Variants in WDR62 observed in about 807,000 individuals in gnomAD.
The protein encoded by WDR62 is WD repeat domain 62, also known as WD repeat-containing protein 62.
In WDR62, 112 loss-of-function variants were observed where a neutral mutation model predicts 160.6. That is an observed-to-expected ratio of 0.70 (90% CI 0.60 to 0.82). The LOEUF (loss-of-function observed/expected upper bound fraction) is 0.82, where lower values mean the gene tolerates loss of function less well. Among genes scored for constraint, WDR62 ranks in the 40% least tolerant of loss-of-function variants. The probability of loss-of-function intolerance (pLI) is 0.00; values close to 1 mark genes in which losing one functional copy is unlikely to be tolerated. For synonymous variants in WDR62, 792 were observed against 815.1 expected, an observed-to-expected ratio of 0.97 and a Z score of 0.48; for missense variants, 1,819 against 1,983.8, an observed-to-expected ratio of 0.92 and a Z score of 1.58.
rs779982419 is a variant in WDR62 at position 36,083,235 on chromosome 19, A to T, written c.1544A>T (p.Asn515Ile). The T allele has an allele frequency of 3.1e-6, 5 of 1,597,606 alleles. No individual in the cohort carries two copies. The South Asian group carries it at 5.6e-5, about 18-fold the overall frequency. Residue 515 changes from asparagine (N) to isoleucine (I), a missense_variant, in exon 11 of 32, where the codon AAT becomes ATT. Physicochemically the swap from Asn to Ile is moderately radical, Grantham distance 149 (BLOSUM62 -3). Transcript: ENST00000401500. ...QHLASGDRSG[N>I]LRIHELHFMD... ...TTGGCTTCAGGCGACCGAAGTGGAA[A>T]TCTGAGGCAAGTGGGCCCTGGCAGT...
chr19:36,099,707 G>A lies in WDR62; in HGVS notation c.2739+90G>A, dbSNP rs1005675813. The A allele has an allele frequency of 3.9e-6, 5 of 1,293,404 alleles. No individual in the cohort carries two copies. The African/African-American group carries it at 4.4e-5, about 11-fold the overall frequency. The allele number at this position is 1,293,404 out of a possible 1,614,324, so 80.1% of individuals were successfully genotyped here. The stretch of plus-strand genomic sequence containing the variant: ...CTTAGGCTGACTCCCACTCCATGGG[G>A]GCAGGGAGGATTACATGAGATGGTG... On this transcript the variant is annotated intron_variant, in intron 22 of 31. Coordinates refer to ENST00000401500, the MANE Select transcript of WDR62 (RefSeq NM_001083961.2).
intron 9 of WDR62, among the ~76,000 whole-genome samples, chr19:36,074,560 A>AG (rs1214191327): frequency 6.6e-6 from 1 of 152,072 alleles, no homozygotes; most frequent in Non-Finnish European, 1.5e-5. Flanking sequence ...GGGCTGCGGC[A>AG]GGGGGGCTGA....
In WDR62 at chr19:36,102,988, G is replaced by A; in HGVS notation, c.3376G>A (p.Val1126Met). The A allele has an allele frequency of 2.5e-6, 4 of 1,614,156 alleles. No homozygotes were observed. Among genetic ancestry groups the A allele is most frequent in the Non-Finnish European group, 1.7e-6 (2 of 1,180,036 alleles). The change falls in exon 28 of 32, where the codon GTG (valine) becomes ATG (methionine). Residue 1126 changes from valine to methionine, a missense_variant. This residue lies in a region of WDR62 where 770 missense variants were observed against 734.2 expected (regional missense o/e 1.05). Transcript: ENST00000401500. ...CCCTCCCCGGGCAACCCAGTGCCTT[G>A]TGAAGTCTCCAGAGGTCAAGCTCAT... is the stretch of plus-strand genomic sequence containing the variant. Reference protein sequence around the residue: ...TFPPRATQCLVKSPEVKLMDR... With the variant: ...TFPPRATQCLMKSPEVKLMDR...
chr19:36,102,879 C>T (rs761550389), intron 27 of WDR62, 28 bp downstream of exon 27: 15 of 1,614,036 alleles, frequency 9.3e-6, no homozygotes, highest in African/African-American at 2.7e-5. Flanking sequence ...ACTGCCCACC[C>T]TCTGGCTCCT....
chr19:36,103,878 TCCTGAGTCCCCTG>T lies in WDR62; in HGVS notation c.4051_4063del (p.Pro1351AlafsTer60), dbSNP rs1167066971. ...CTGCCTTTCGCCCAAGTCTCCCAGC[TCCTGAGTCCCCTG>T]GCCTTCCTGCCCACCCCAGTAACCC... On this transcript the variant is annotated frameshift_variant, in exon 30 of 32. Transcript: ENST00000401500. LOFTEE classifies it high-confidence loss of function. 3.7e-6 allele frequency: 6 copies of T among 1,601,146 alleles called. No individual in the cohort carries two copies. The highest frequency in any genetic ancestry group is 5.1e-6 in the Non-Finnish European group (6 of 1,179,878).
At chr19:36,088,370 C>G (rs1972382950) in intron 13 of WDR62, among the ~76,000 whole-genome samples, 2 of 152,226 alleles carry the variant, frequency 1.3e-5, no homozygotes, top group African/African-American at 4.8e-5. Context: ...GTGGCAGTCC[C>G]TGTTCCAAGG....
chr19:36,073,535 AG>A lies in WDR62; in HGVS notation c.1233+5del. 7.0e-7 allele frequency: 1 copy of A among 1,433,118 alleles called. No homozygotes were observed. Among genetic ancestry groups the A allele is most frequent in the Non-Finnish European group, 9.7e-7 (1 of 1,026,828 alleles). 88.8% of individuals were successfully genotyped at this position (1,433,118 alleles called of 1,614,324 possible). On this transcript the variant is annotated splice_donor_5th_base_variant and intron_variant, in intron 9 of 31. Coordinates refer to ENST00000401500, the MANE Select transcript of WDR62 (RefSeq NM_001083961.2). Reference sequence around the variant, plus strand: ...CTCCTACGTTTGGAACGTGGAGGTGAGCCCCCCCCCCACCCCCTTGCCCCTG... The same window carrying A: ...CTCCTACGTTTGGAACGTGGAGGTGACCCCCCCCCCACCCCCTTGCCCCTG...
intron 9 of WDR62, 39 bp downstream of exon 9, chr19:36,073,570 C>CT: frequency 1.4e-6 from 2 of 1,434,754 alleles, no homozygotes; most frequent in South Asian, 2.4e-5. Context: ...TGCTTGGCCT[C>CT]TGCACAGTTC....
intron 23 of WDR62, 24 bp from the exon 24 acceptor site, chr19:36,101,190 T>A: frequency 6.3e-7 from 1 of 1,597,770 alleles, no homozygotes; most frequent in Non-Finnish European, 8.5e-7. Context: ...CCTTGTTCCC[T>A]CTCTGCCCCC....
In WDR62 at chr19:36,091,259, A is replaced by G; in HGVS notation, c.2094A>G (p.Ser698=). ...LATSCSDKSI[S]VIDFYSGECI... ...CCAGCTGCTCTGACAAAAGCATCTC[A>G]GTGATTGACTTTTACTCGGGCGAGT... Residue 698 remains serine (S), a synonymous_variant, in exon 17 of 32, where the codon TCA becomes TCG. Transcript: ENST00000401500. 1 of 1,613,472 alleles carries G rather than the reference A, an allele frequency of 6.2e-7. No individual in the cohort carries two copies. The highest frequency in any genetic ancestry group is 8.5e-7 in the Non-Finnish European group (1 of 1,179,886).
chr19:36,099,278 GAAGTTGTTTCTGA>G lies in WDR62; in HGVS notation c.2521-119_2521-107del, dbSNP rs1481244867. The G allele has an allele frequency of 9.4e-6, 7 of 742,616 alleles. No homozygotes were observed. The African/African-American group carries it at 1.2e-4, about 13-fold the overall frequency. 46.0% of individuals were successfully genotyped at this position (742,616 alleles called of 1,614,324 possible). A position where few individuals can be genotyped will look rare whatever the true frequency, so the allele number is the denominator to read the frequency against. On this transcript the variant is annotated intron_variant, in intron 21 of 31. Transcript: ENST00000401500. ...GGTTCACGCTGGAGATATGTACCTG[GAAGTTGTTTCTGA>G]ATGGTATTGAAAGCCAAGAGTCCAG...
chr19:36,099,059 T>TA (rs1288646500), intron 21 of WDR62, among the ~76,000 whole-genome samples: 1 of 151,834 alleles, frequency 6.6e-6, no homozygotes, highest in Non-Finnish European at 1.5e-5. Flanking sequence ...CCATCTCTAC[T>TA]AAAAATACAA....
intron 2 of WDR62, 107 bp from the exon 3 acceptor site, chr19:36,059,861 A>T: frequency 8.4e-7 from 1 of 1,185,334 alleles, no homozygotes; most frequent in Non-Finnish European, 1.3e-6. Flanking sequence ...GAGACCAGAG[A>T]GAACCGAGGG....
At chr19:36,094,308 C>T (rs1299777740) in intron 20 of WDR62, 144 bp downstream of exon 20, 11 of 1,051,750 alleles carry the variant, frequency 1.0e-5, no homozygotes, top group Admixed American at 2.1e-5. Flanking sequence ...AATCCCAGCA[C>T]TTTGGGAGGC....
At chr19:36,055,225 C>T in intron 1 of WDR62, 77 bp downstream of exon 1, 2 of 1,498,612 alleles carry the variant, frequency 1.3e-6, no homozygotes, top group Non-Finnish European at 1.8e-6. Flanking sequence ...AGAACTGTGG[C>T]CCCGACATCA....
rs556488785 is a variant in WDR62 at position 36,073,540 on chromosome 19, C to T, written c.1233+9C>T. On this transcript the variant is annotated intron_variant, in intron 9 of 31. Transcript: ENST00000401500. Reference sequence around the variant, plus strand: ...ACGTTTGGAACGTGGAGGTGAGCCCCCCCCCCACCCCCTTGCCCCTGCTTG... The same window carrying T: ...ACGTTTGGAACGTGGAGGTGAGCCCTCCCCCCACCCCCTTGCCCCTGCTTG... 34 of 1,183,532 alleles carry T rather than the reference C, an allele frequency of 2.9e-5. No individual in the cohort carries two copies. In the East Asian group the frequency reaches 8.7e-4, roughly 30 times the overall value. 73.3% of individuals were successfully genotyped at this position (1,183,532 alleles called of 1,614,324 possible). A position where few individuals can be genotyped will look rare whatever the true frequency, so the allele number is the denominator to read the frequency against.
At position 36,104,901 on chromosome 19, in the gene WDR62, T is replaced by C; in HGVS notation, c.4445T>C (p.Leu1482Pro). Residue 1482 changes from leucine to proline, a missense_variant, in exon 32 of 32, where the codon CTG (leucine) becomes CCG (proline). Around this residue, in one of 3 missense-constraint regions of WDR62, gnomAD observed 770 missense variants for 734.2 expected, o/e 1.05. Coordinates refer to ENST00000401500, the MANE Select transcript of WDR62 (RefSeq NM_001083961.2). ...VGTSVAPAQA[L>P]PSPGPPSPPT... ...ACTAGTGTGGCCCCAGCCCAGGCTC[T>C]GCCCAGCCCAGGACCCCCGTCCCCA... The C allele has an allele frequency of 6.2e-7, 1 of 1,611,336 alleles. No homozygotes were observed. Among genetic ancestry groups the C allele is most frequent in the Non-Finnish European group, 8.5e-7 (1 of 1,179,748 alleles).
intron 7 of WDR62, among the ~76,000 whole-genome samples, chr19:36,068,885 G>A (rs1045160553): frequency 5.9e-5 from 9 of 152,170 alleles, no homozygotes; most frequent in African/African-American, 1.2e-4. Flanking sequence ...CCTCCCAGAC[G>A]GGGTGGTGGC....
chr19:36,099,955 A>C (rs1973226151), intron 22 of WDR62, among the ~76,000 whole-genome samples: 2 of 152,156 alleles, frequency 1.3e-5, no homozygotes, highest in South Asian at 4.1e-4. Context: ...TCTTCTAAAA[A>C]GTAGTCATAA....
Sources: gnomAD v4.1 joint callset for allele counts (sites outside exome capture counted in the v4.1 genomes callset) on GRCh38, gnomAD v4.1.1 for gene constraint, gnomAD v4.1.1 regional missense constraint, MANE v1.5 for transcripts, NCBI Gene and HGNC (gene_info 2026-07-23, HGNC 2026-07-21) for gene names.